Variants in KBTBD11 observed in about 807,000 individuals in gnomAD.
KBTBD11 encodes the protein kelch repeat and BTB domain-containing protein 11.
For synonymous variants in KBTBD11, 747 were observed against 499.0 expected, an observed-to-expected ratio of 1.50 and a Z score of -6.63; for missense variants, 1,390 against 1,001.8, an observed-to-expected ratio of 1.39 and a Z score of -5.23.
intron 1 of KBTBD11, among the ~76,000 whole-genome samples, chr8:1,975,582 T>C (rs1816308398): frequency 6.6e-6 from 1 of 152,218 alleles, no homozygotes; most frequent in African/African-American, 2.4e-5. Flanking sequence ...GTGCCCTGTG[T>C]GATGTTTGCA....
At chr8:1,975,301 A>T (rs1057018753) in intron 1 of KBTBD11, 1 of 152,238 alleles carries the variant, frequency 6.6e-6, no homozygotes, top group Non-Finnish European at 1.5e-5. Flanking sequence ...CACATAATAA[A>T]ATCAGTTAAA....
At chr8:1,975,259 G>T (rs919258650) in intron 1 of KBTBD11, 6 of 152,264 alleles carry the variant, frequency 3.9e-5, no homozygotes, top group Non-Finnish European at 8.8e-5. Context: ...CATGTCAGTT[G>T]CACAGGCATT....
At chr8:1,983,359 C>G (rs148658242) in intron 1 of KBTBD11, among the ~76,000 whole-genome samples, 1 of 152,226 alleles carries the variant, frequency 6.6e-6, no homozygotes, top group African/African-American at 2.4e-5. Context: ...TCCCCAGTCA[C>G]GATGCTCCTT....
rs1277203280 is a variant in KBTBD11, at chr8:2,001,961, T to A, written c.769T>A (p.Cys257Ser). ...RLNELRDAAY[C>S]FMSDHYLEVL... ...GAACGAGCTGCGCGACGCCGCCTAC[T>A]GCTTCATGAGCGACCACTATCTGGA... Residue 257 changes from cysteine to serine, a missense_variant, in exon 2 of 2, where the codon TGC becomes AGC. Cys to Ser is a moderately radical substitution (Grantham distance 112). Transcript: ENST00000320248. The A allele has an allele frequency of 5.4e-6, 8 of 1,473,556 alleles. No individual in the cohort carries two copies. Among genetic ancestry groups the A allele is most frequent in the Admixed American group, 2.0e-5 (1 of 50,892 alleles). The allele number at this position is 1,473,556 out of a possible 1,614,324, so 91.3% of individuals were successfully genotyped here.
intron 1 of KBTBD11, among the ~76,000 whole-genome samples, chr8:1,986,851 G>C (rs1368696327): frequency 6.6e-6 from 1 of 151,884 alleles, no homozygotes; most frequent in Non-Finnish European, 1.5e-5. Context: ...TGCCACTTAG[G>C]CTTCAAATAT....
intron 1 of KBTBD11, among the ~76,000 whole-genome samples, chr8:1,994,009 C>A (rs190153399): frequency 6.6e-6 from 1 of 151,740 alleles, no homozygotes; most frequent in East Asian, 1.9e-4. Flanking sequence ...TCCATGAGCT[C>A]GTGCAGTAGG....
intron 1 of KBTBD11, among the ~76,000 whole-genome samples, chr8:1,980,817 C>A (rs1816516167): frequency 6.6e-6 from 1 of 152,234 alleles, no homozygotes; most frequent in Non-Finnish European, 1.5e-5. Flanking sequence ...AGATGAATGC[C>A]TTACCGTTTT....
At chr8:1,994,286 T>C (rs1391029195) in intron 1 of KBTBD11, among the ~76,000 whole-genome samples, 1 of 151,328 alleles carries the variant, frequency 6.6e-6, no homozygotes, top group Non-Finnish European at 1.5e-5. Context: ...TGCTGCCCCA[T>C]CTCCTGCTGC....
At chr8:1,995,060 C>CAAAAAA (rs5741960) in intron 1 of KBTBD11, among the ~76,000 whole-genome samples, 1 of 101,174 alleles carries the variant, frequency 9.9e-6, no homozygotes, top group Non-Finnish European at 1.9e-5. Flanking sequence ...ACTCTTGTCT[C>CAAAAAA]AAAAAAAAAA....
At position 2,000,466 on chromosome 8, in the gene KBTBD11, G is replaced by A. The variant is rs571951937; in HGVS notation, c.-727G>A. 2.0e-5 allele frequency: 3 copies of A among 152,316 alleles called. No individual in the cohort carries two copies. Among genetic ancestry groups the A allele is most frequent in the Admixed American group, 6.5e-5 (1 of 15,292 alleles). 9.4% of individuals were successfully genotyped at this position (152,316 alleles called of 1,614,324 possible). A position where few individuals can be genotyped will look rare whatever the true frequency, so the allele number is the denominator to read the frequency against. On this transcript the variant is annotated 5_prime_UTR_variant, in exon 2 of 2. Transcript: ENST00000320248. ...TGAGGAGGTGTGGATGCCGACACAC[G>A]GGGAGAGCTCCTGAGACCAGCACAC...
At position 2,001,438 on chromosome 8, in the gene KBTBD11, C is replaced by A. The variant is rs1817349004; in HGVS notation, c.246C>A (p.Ser82Arg). Residue 82 changes from serine to arginine, a missense_variant, in exon 2 of 2, where the codon AGC (serine) becomes AGA (arginine). Ser to Arg is a moderately radical substitution (Grantham distance 110, BLOSUM62 -1). Transcript: ENST00000320248. ...RVVERQWEAGSAGAASPEELA... is the reference protein window; with the variant it reads ...RVVERQWEAGRAGAASPEELA... ...TGGAGCGGCAGTGGGAGGCCGGCAG[C>A]GCGGGCGCCGCGTCCCCGGAGGAGC... 2 of 1,357,192 alleles carry A rather than the reference C, an allele frequency of 1.5e-6. No individual in the cohort carries two copies. Among genetic ancestry groups the A allele is most frequent in the South Asian group, 1.8e-5 (1 of 55,462 alleles). 84.1% of individuals were successfully genotyped at this position (1,357,192 alleles called of 1,614,324 possible).
intron 1 of KBTBD11, 183 bp downstream of exon 1, chr8:1,974,118 GGGAGC>G (rs551546039): frequency 0.54 from 65,835 of 121,622 alleles, 19,419 homozygotes; most frequent in East Asian, 0.78. Flanking sequence ...GGGGAGGGAG[GGGAGC>G]GGAGCGGAGG....
chr8:1,977,530 T>A (rs1816389456), intron 1 of KBTBD11, among the ~76,000 whole-genome samples: 1 of 152,032 alleles, frequency 6.6e-6, no homozygotes, highest in Admixed American at 6.6e-5. Context: ...TTTATTATTA[T>A]TATTATATTT....
At chr8:1,976,847 C>T (rs912127755) in intron 1 of KBTBD11, among the ~76,000 whole-genome samples, 1 of 152,102 alleles carries the variant, frequency 6.6e-6, no homozygotes. Flanking sequence ...TTTGCGGGAA[C>T]ATTGTGTGCA....
intron 1 of KBTBD11, chr8:1,974,951 C>T (rs530501600): frequency 1.0e-4 from 16 of 154,376 alleles, no homozygotes; most frequent in Admixed American, 3.9e-4. Context: ...GAGAAGTTCG[C>T]CCGATTCCCC....
chr8:1,983,165 A>G (rs1816596333), intron 1 of KBTBD11, among the ~76,000 whole-genome samples: 1 of 152,186 alleles, frequency 6.6e-6, no homozygotes, highest in Admixed American at 6.5e-5. Context: ...TGTGCCACCC[A>G]CAAAAGCAGA....
In KBTBD11 at chr8:2,001,709, GTGC is replaced by G; in HGVS notation, c.521_523del (p.Leu174del). 7.0e-7 allele frequency: 1 copy of G among 1,425,482 alleles called. No individual in the cohort carries two copies. The highest frequency in any genetic ancestry group is 9.1e-7 in the Non-Finnish European group (1 of 1,094,252). 88.3% of individuals were successfully genotyped at this position (1,425,482 alleles called of 1,614,324 possible). On this transcript the variant is annotated inframe_deletion, in exon 2 of 2. Transcript: ENST00000320248. ...CTTCCGCGCGCGCGCGTCGCGGGACGTGCTGCGGGTGCAGGGAGTGAGCCTGAC... is the reference window on the plus strand; with the variant it reads ...CTTCCGCGCGCGCGCGTCGCGGGACGTGCGGGTGCAGGGAGTGAGCCTGAC...
At chr8:1,974,575 G>A (rs1305104522) in intron 1 of KBTBD11, 3 of 984,922 alleles carry the variant, frequency 3.0e-6, no homozygotes, top group Admixed American at 6.2e-5. Flanking sequence ...CCTGGCTGCT[G>A]ACCCCCGCGA....
chr8:1,991,853 G>A lies in KBTBD11; in HGVS notation c.-908-8432G>A, dbSNP rs146085663. 4.3e-4 allele frequency among the ~76,000 whole-genome samples: 66 copies of A among 152,116 alleles called. 1 individual carries two copies. The East Asian group carries it at 0.01, about 24-fold the overall frequency. ...GAGTAAGTTACAGGGAAGAGACTCCGACCTGGGTGTGTCTGACACCAAAGG... is the reference window on the plus strand; with the variant it reads ...GAGTAAGTTACAGGGAAGAGACTCCAACCTGGGTGTGTCTGACACCAAAGG... On this transcript the variant is annotated intron_variant, in intron 1 of 1. Coordinates refer to ENST00000320248, the MANE Select transcript of KBTBD11 (RefSeq NM_014867.3).
Sources: gnomAD v4.1 joint callset for allele counts (sites outside exome capture counted in the v4.1 genomes callset) on GRCh38, gnomAD v4.1.1 for gene constraint, MANE v1.5 for transcripts, NCBI Gene and HGNC (gene_info 2026-07-23, HGNC 2026-07-21) for gene names.